Variants in FBXL7 observed in about 807,000 individuals in gnomAD.
FBXL7 encodes the protein F-box/LRR-repeat protein 7.
In FBXL7, 12 loss-of-function variants were observed where a neutral mutation model predicts 38.3. The ratio of observed to expected loss-of-function variants is 0.31; its 90% CI spans 0.20 to 0.51. The LOEUF (loss-of-function observed/expected upper bound fraction) is 0.51. Among genes scored for constraint, FBXL7 ranks in the 20% least tolerant of loss-of-function variants. The pLI is 0.98. For missense variants in FBXL7, 567 were observed against 676.4 expected (o/e 0.84, Z 1.79); for synonymous variants, 297 against 300.9 (o/e 0.99, Z 0.13).
chr5:15,535,143 C>A (rs1329434720), intron 1 of FBXL7, among the ~76,000 whole-genome samples: 1 of 152,092 alleles, frequency 6.6e-6, no homozygotes, highest in African/African-American at 2.4e-5. Flanking sequence ...TGAGGCCTCC[C>A]AAGGCATGCA....
intron 2 of FBXL7, among the ~76,000 whole-genome samples, chr5:15,830,817 G>C (rs1249462344): frequency 2.0e-5 from 3 of 152,128 alleles, no homozygotes; most frequent in Admixed American, 2.0e-4. Flanking sequence ...AGGGGAGTGG[G>C]GATGCCAGGG....
In FBXL7 at chr5:15,624,000, C is replaced by T. The variant is rs115043847; in HGVS notation, c.127+7928C>T. ...TTAATGCTTATTTTGTCATTGTCAGCGAAACTGAATTTCATGCTAATCATT... is the reference window on the plus strand; with the variant it reads ...TTAATGCTTATTTTGTCATTGTCAGTGAAACTGAATTTCATGCTAATCATT... On this transcript the variant is annotated intron_variant, in intron 2 of 3. Transcript: ENST00000504595. 1.8e-3 allele frequency among the ~76,000 whole-genome samples: 276 copies of T among 152,168 alleles called. 2 individuals carry two copies. The highest frequency in any genetic ancestry group is 6.0e-3 in the African/African-American group (248 of 41,508).
At chr5:15,655,817 A>G (rs1741862640) in intron 2 of FBXL7, among the ~76,000 whole-genome samples, 1 of 152,180 alleles carries the variant, frequency 6.6e-6, no homozygotes, top group Admixed American at 6.5e-5. Flanking sequence ...CAAGAAGGTA[A>G]GTGACTCACA....
At chr5:15,773,592 T>C (rs1736785335) in intron 2 of FBXL7, among the ~76,000 whole-genome samples, 1 of 152,102 alleles carries the variant, frequency 6.6e-6, no homozygotes, top group Admixed American at 6.5e-5. Context: ...GAGGCTACAG[T>C]GATTCGTGAC....
At chr5:15,820,822 C>T (rs548002242) in intron 2 of FBXL7, among the ~76,000 whole-genome samples, 1 of 152,240 alleles carries the variant, frequency 6.6e-6, no homozygotes, top group African/African-American at 2.4e-5. Flanking sequence ...GCAATGTGTT[C>T]TTGAGAGCTG....
intron 2 of FBXL7, among the ~76,000 whole-genome samples, chr5:15,736,669 C>A (rs1050437039): frequency 3.3e-5 from 5 of 152,168 alleles, no homozygotes; most frequent in Non-Finnish European, 5.9e-5. Context: ...TCTAGGAAAA[C>A]AATTCTACCA....
At chr5:15,589,018 A>G (rs1041075576) in intron 1 of FBXL7, among the ~76,000 whole-genome samples, 5 of 152,192 alleles carry the variant, frequency 3.3e-5, no homozygotes, top group African/African-American at 9.6e-5. Context: ...GAAATTTCAG[A>G]TGATTTCTTG....
chr5:15,904,878 G>A (rs892249764), intron 2 of FBXL7, among the ~76,000 whole-genome samples: 13 of 152,048 alleles, frequency 8.5e-5, no homozygotes, highest in Admixed American at 5.9e-4. Context: ...TACCATACTA[G>A]GATACTGAAT....
chr5:15,573,216 C>T (rs1738843860), intron 1 of FBXL7, among the ~76,000 whole-genome samples: 1 of 152,160 alleles, frequency 6.6e-6, no homozygotes, highest in Non-Finnish European at 1.5e-5. Flanking sequence ...GCCCAGTAAG[C>T]AGCTCAATAA....
chr5:15,700,552 G>A (rs1401591611), intron 2 of FBXL7, among the ~76,000 whole-genome samples: 4 of 152,164 alleles, frequency 2.6e-5, no homozygotes, highest in East Asian at 1.9e-4. Context: ...GCCTTCATGT[G>A]TCTTACAAAC....
chr5:15,701,578 C>A (rs1193467363), intron 2 of FBXL7, among the ~76,000 whole-genome samples: 1 of 151,814 alleles, frequency 6.6e-6, no homozygotes, highest in African/African-American at 2.4e-5. Flanking sequence ...GGATTAAATA[C>A]CTTAAGAGAA....
chr5:15,501,931 G>GTT (rs546310381), intron 1 of FBXL7, among the ~76,000 whole-genome samples: 3,115 of 135,084 alleles, frequency 0.023, 116 homozygotes, highest in African/African-American at 0.08. Context: ...AGTGATTTGA[G>GTT]TTTTTTTTTT....
intron 2 of FBXL7, among the ~76,000 whole-genome samples, chr5:15,744,091 A>G (rs1043242816): frequency 6.6e-6 from 1 of 152,188 alleles, no homozygotes; most frequent in Non-Finnish European, 1.5e-5. Flanking sequence ...GACCTCTGAC[A>G]TGTCCTGGAG....
At chr5:15,625,725 A>G (rs1349820025) in intron 2 of FBXL7, among the ~76,000 whole-genome samples, 2 of 152,166 alleles carry the variant, frequency 1.3e-5, no homozygotes, top group Non-Finnish European at 2.9e-5. Context: ...TGAGCCATGG[A>G]ATTTTTCTTT....
At chr5:15,670,294 C>T (rs1742423497) in intron 2 of FBXL7, among the ~76,000 whole-genome samples, 1 of 152,186 alleles carries the variant, frequency 6.6e-6, no homozygotes, top group South Asian at 2.1e-4. Context: ...CTAATTTCAT[C>T]ATCGACCATA....
At chr5:15,591,574 C>A (rs1382798787) in intron 1 of FBXL7, among the ~76,000 whole-genome samples, 1 of 152,118 alleles carries the variant, frequency 6.6e-6, no homozygotes, top group Non-Finnish European at 1.5e-5. Flanking sequence ...AGGACCAAAG[C>A]CCGAGTCGAG....
chr5:15,800,951 A>G (rs1737548398), intron 2 of FBXL7, among the ~76,000 whole-genome samples: 1 of 152,160 alleles, frequency 6.6e-6, no homozygotes, highest in Admixed American at 6.5e-5. Flanking sequence ...CACATAACCA[A>G]TAGGGTTCAT....
At chr5:15,598,124 C>A (rs1561044776) in intron 1 of FBXL7, among the ~76,000 whole-genome samples, 1 of 152,104 alleles carries the variant, frequency 6.6e-6, no homozygotes, top group Non-Finnish European at 1.5e-5. Flanking sequence ...AAAAATACAT[C>A]ATAGATTATA....
chr5:15,551,517 C>T (rs1447444026), intron 1 of FBXL7, among the ~76,000 whole-genome samples: 1 of 152,114 alleles, frequency 6.6e-6, no homozygotes, highest in Non-Finnish European at 1.5e-5. Flanking sequence ...GTTAGCAGGC[C>T]CAAGAGGAAA....
Sources: gnomAD v4.1 joint callset for allele counts (sites outside exome capture counted in the v4.1 genomes callset) on GRCh38, gnomAD v4.1.1 for gene constraint, MANE v1.5 for transcripts, NCBI Gene and HGNC (gene_info 2026-07-23, HGNC 2026-07-21) for gene names.